The following QSOX1 variants were observed in gnomAD, a reference collection of about 807,000 sequenced individuals.
The protein encoded by QSOX1 is quiescin sulfhydryl oxidase 1, also known as sulfhydryl oxidase 1.
Under a neutral mutation model 76.1 loss-of-function variants are expected in QSOX1, and 40 were observed. That is an observed-to-expected ratio of 0.53 (90% CI 0.41 to 0.68). The LOEUF is 0.68. Among genes scored for constraint, QSOX1 ranks in the 30% least tolerant of loss-of-function variants. QSOX1 has a pLI of 0.00. For missense variants in QSOX1, 931 were observed against 974.3 expected (o/e 0.96, Z 0.59); for synonymous variants, 392 against 413.1 (o/e 0.95, Z 0.62).
intron 5 of QSOX1, among the ~76,000 whole-genome samples, chr1:180,179,677 A>G (rs1033068121): frequency 6.6e-6 from 1 of 152,196 alleles, no homozygotes; most frequent in African/African-American, 2.4e-5. Context: ...CACGGGAGAT[A>G]CTCCAAGTCA....
chr1:180,181,532 A>G (rs1663035458), intron 5 of QSOX1, among the ~76,000 whole-genome samples: 1 of 152,150 alleles, frequency 6.6e-6, no homozygotes, highest in Non-Finnish European at 1.5e-5. Context: ...AAGTTTACCC[A>G]ATTCCAAAGG....
chr1:180,158,480 G>C (rs1185375332), intron 1 of QSOX1, among the ~76,000 whole-genome samples: 1 of 152,084 alleles, frequency 6.6e-6, no homozygotes, highest in Non-Finnish European at 1.5e-5. Context: ...ACCTTCTGCT[G>C]GTGCCGTGGA....
chr1:180,186,267 C>G (rs893870822), intron 8 of QSOX1, 85 bp downstream of exon 8: 4 of 1,525,508 alleles, frequency 2.6e-6, no homozygotes, highest in Non-Finnish European at 3.5e-6. Flanking sequence ...CCCCGTCAGC[C>G]CCTCCCTCCA....
intron 2 of QSOX1, among the ~76,000 whole-genome samples, chr1:180,167,473 C>A (rs1025240487): frequency 6.6e-6 from 1 of 152,170 alleles, no homozygotes; most frequent in Non-Finnish European, 1.5e-5. Flanking sequence ...GGGGTAGGGG[C>A]AGCCAAGTTT....
intron 8 of QSOX1, 29 bp downstream of exon 8, chr1:180,186,211 G>A (rs1410217108): frequency 6.3e-7 from 1 of 1,597,048 alleles, no homozygotes; most frequent in Non-Finnish European, 8.5e-7. Context: ...TCCCTTGTCT[G>A]TGCAATTCTA....
rs1663590752 is a variant in QSOX1 at position 180,199,689 on chromosome 1, G to C, written c.*2652G>C. 1 of 152,012 alleles carries C rather than the reference G, an allele frequency of 6.6e-6. No homozygotes were observed. Among genetic ancestry groups the C allele is most frequent in the South Asian group, 2.1e-4 (1 of 4,818 alleles). 9.4% of individuals were successfully genotyped at this position (152,012 alleles called of 1,614,324 possible). On this transcript the variant is annotated 3_prime_UTR_variant, in exon 12 of 12. Coordinates refer to ENST00000367602, the MANE Select transcript of QSOX1 (RefSeq NM_002826.5). ...CTGCTGCTATGGGGCTTCCGTTCTA[G>C]AGGCAAGGACAGGTTGTGATGAGGG...
At position 180,202,691 on chromosome 1, in the gene QSOX1, AGG is replaced by A. The variant is rs1553276279; in HGVS notation, c.*5657_*5658del. On this transcript the variant is annotated 3_prime_UTR_variant, in exon 12 of 12. Transcript: ENST00000367602. ...AAGCTAATGCAAAAAAAAAAAAAAA[AGG>A]GGAAATATAATTGAATACTTCACTG... The A allele has an allele frequency of 3.4e-5, 5 of 148,382 alleles. No homozygotes were observed. Among genetic ancestry groups the A allele is most frequent in the South Asian group, 2.2e-4 (1 of 4,644 alleles). 9.2% of individuals were successfully genotyped at this position (148,382 alleles called of 1,614,324 possible). A position where few individuals can be genotyped will look rare whatever the true frequency, so the allele number is the denominator to read the frequency against.
chr1:180,192,175 G>A (rs1663336915), intron 10 of QSOX1, among the ~76,000 whole-genome samples: 1 of 152,300 alleles, frequency 6.6e-6, no homozygotes, highest in African/African-American at 2.4e-5. Flanking sequence ...CCATAGCACA[G>A]GCTGGAGACC....
Position 180,195,098 on chromosome 1 carries a change from C to G in QSOX1, c.1468+706C>G, listed in dbSNP as rs548974760. ...GTCGTGGTCTCCTGGGGCCTCCTATCGAACTTTGAAAGGAAGACATGTGCC... is the reference window on the plus strand; with the variant it reads ...GTCGTGGTCTCCTGGGGCCTCCTATGGAACTTTGAAAGGAAGACATGTGCC... On this transcript the variant is annotated intron_variant, in intron 11 of 11. Transcript: ENST00000367602. Among the ~76,000 whole-genome samples, 6 of 152,176 alleles carry G rather than the reference C, an allele frequency of 3.9e-5. No homozygotes were observed. The East Asian group carries it at 9.7e-4, about 25-fold the overall frequency.
chr1:180,197,104 TCCCTCCCC>T lies in QSOX1; in HGVS notation c.*68_*75del. On this transcript the variant is annotated 3_prime_UTR_variant, in exon 12 of 12. Coordinates refer to ENST00000367602, the MANE Select transcript of QSOX1 (RefSeq NM_002826.5). ...GGCACCTCAAGCCCCCTGACCCCAT[TCCCTCCCC>T]TCCCACCCCTTGCTCCTTGTCTGGC... 6.7e-7 allele frequency: 1 copy of T among 1,484,708 alleles called. No homozygotes were observed. The highest frequency in any genetic ancestry group is 9.0e-7 in the Non-Finnish European group (1 of 1,108,672). 92.0% of individuals were successfully genotyped at this position (1,484,708 alleles called of 1,614,324 possible).
chr1:180,183,452 A>T (rs1275511946), intron 6 of QSOX1, among the ~76,000 whole-genome samples: 1 of 152,218 alleles, frequency 6.6e-6, no homozygotes, highest in Non-Finnish European at 1.5e-5. Flanking sequence ...GAAAAATCCC[A>T]TATCAAACTC....
intron 10 of QSOX1, among the ~76,000 whole-genome samples, chr1:180,190,853 C>T (rs1012483364): frequency 2.4e-4 from 36 of 152,280 alleles, no homozygotes; most frequent in African/African-American, 6.7e-4. Flanking sequence ...GAGGCTTCTC[C>T]CTGTCTTTCT....
Position 180,166,504 on chromosome 1 carries a change from C to T in QSOX1, c.279C>T (p.Ala93=). ...TTGTCCTTTCAGCCTGGAGGCCGGC[C>T]CTGTATCTCGCCGCCCTGGACTGTG... ...LAEDVKAWRP[A]LYLAALDCAE... is the part of the protein sequence containing the mutation. Residue 93 remains alanine, a synonymous_variant, in exon 2 of 12, where the codon GCC becomes GCT. Transcript: ENST00000367602. 1.2e-6 allele frequency: 2 copies of T among 1,614,014 alleles called. No individual in the cohort carries two copies. Among genetic ancestry groups the T allele is most frequent in the Non-Finnish European group, 1.7e-6 (2 of 1,179,978 alleles).
chr1:180,170,470 T>C (rs1455952540), intron 2 of QSOX1, among the ~76,000 whole-genome samples: 3 of 152,212 alleles, frequency 2.0e-5, no homozygotes, highest in African/African-American at 7.2e-5. Context: ...AAGTGTGCTT[T>C]CTCTTGAGCT....
At position 180,155,153 on chromosome 1, in the gene QSOX1, G is replaced by C. The variant is rs77647137; in HGVS notation, c.246G>C (p.Ala82=). ...HCIAFAPTWK[A]LAEDVKAWRP... ...TCGCCTTCGCCCCGACGTGGAAGGCGCTGGCCGAAGACGTCAAAGGTGAGA... is the reference window on the plus strand; with the variant it reads ...TCGCCTTCGCCCCGACGTGGAAGGCCCTGGCCGAAGACGTCAAAGGTGAGA... Residue 82 remains alanine, a synonymous_variant, in exon 1 of 12, where the codon GCG becomes GCC. Transcript: ENST00000367602. The C allele has an allele frequency of 0.078, 117,868 of 1,517,714 alleles. 6,147 individuals carry two copies. The highest frequency in any genetic ancestry group is 0.26 in the African/African-American group (18,075 of 69,844). 94.0% of individuals were successfully genotyped at this position (1,517,714 alleles called of 1,614,324 possible).
chr1:180,155,211 G>A, intron 1 of QSOX1, 39 bp downstream of exon 1: 10 of 1,424,650 alleles, frequency 7.0e-6, no homozygotes, highest in Non-Finnish European at 8.2e-6. Flanking sequence ...GTGCCCCGCC[G>A]CCCGGACCCC....
chr1:180,196,592 G>T lies in QSOX1; in HGVS notation c.1799G>T (p.Gly600Val). The change falls in exon 12 of 12, where the codon GGA becomes GTA. Residue 600 changes from glycine to valine, a missense_variant. Gly to Val is a moderately radical substitution (Grantham distance 109). Transcript: ENST00000367602. This position sits in a 1 kb window ranked among gnomAD's most constrained non-coding sequence, Gnocchi z 4.1. Reference protein sequence around the residue: ...TNTTPHVPAEGPEASRPPKLH... With the variant: ...TNTTPHVPAEVPEASRPPKLH... Reference sequence around the variant, plus strand: ...ACCACCCCACATGTGCCGGCTGAGGGACCTGAGGCAAGTCGACCCCCGAAG... The same window carrying T: ...ACCACCCCACATGTGCCGGCTGAGGTACCTGAGGCAAGTCGACCCCCGAAG... 6.2e-7 allele frequency: 1 copy of T among 1,614,138 alleles called. No individual in the cohort carries two copies. The highest frequency in any genetic ancestry group is 8.5e-7 in the Non-Finnish European group (1 of 1,180,024).
At chr1:180,191,982 C>T (rs1297556437) in intron 10 of QSOX1, among the ~76,000 whole-genome samples, 1 of 152,096 alleles carries the variant, frequency 6.6e-6, no homozygotes, top group East Asian at 1.9e-4. Context: ...TTGTCCCTCT[C>T]CCAATCCATG....
chr1:180,198,097 A>G lies in QSOX1; in HGVS notation c.*1060A>G. The stretch of plus-strand genomic sequence containing the variant: ...AGTGTCCAGTCTGGACAGAATGCAC[A>G]GAGACCAGCCTCACCTGGAATGCAG... On this transcript the variant is annotated 3_prime_UTR_variant, in exon 12 of 12. Transcript: ENST00000367602. The G allele has an allele frequency of 2.2e-6, 1 of 445,158 alleles. No homozygotes were observed. The highest frequency in any genetic ancestry group is 2.4e-5 in the Admixed American group (1 of 42,208). 27.6% of individuals were successfully genotyped at this position (445,158 alleles called of 1,614,324 possible).
Sources: gnomAD v4.1 joint callset for allele counts (sites outside exome capture counted in the v4.1 genomes callset) on GRCh38, gnomAD v4.1.1 for gene constraint, Gnocchi (gnomAD v3.1) non-coding constraint, MANE v1.5 for transcripts, NCBI Gene and HGNC (gene_info 2026-07-23, HGNC 2026-07-21) for gene names.